The following NLGN1 variants were observed in gnomAD, a reference collection of about 807,000 sequenced individuals.
NLGN1 encodes the protein neuroligin-1.
Under a neutral mutation model 65.5 loss-of-function variants are expected in NLGN1, and 12 were observed. That is an observed-to-expected ratio of 0.18 (90% CI 0.12 to 0.30). The LOEUF (loss-of-function observed/expected upper bound fraction) is 0.30. NLGN1 is among the 10% of genes least tolerant of loss of function. The pLI is 1.00. For missense variants in NLGN1, 750 were observed against 1,007.1 expected (o/e 0.74, Z 3.46); for synonymous variants, 350 against 359.5 (o/e 0.97, Z 0.30).
chr3:174,066,591 T>TGC (rs1408147737), intron 4 of NLGN1, among the ~76,000 whole-genome samples: 1 of 150,940 alleles, frequency 6.6e-6, no homozygotes, highest in Non-Finnish European at 1.5e-5. Context: ...TGTGTGTGTG[T>TGC]ATCTCATAAT....
intron 3 of NLGN1, among the ~76,000 whole-genome samples, chr3:173,774,273 G>T (rs935194050): frequency 2.0e-5 from 3 of 152,154 alleles, no homozygotes; most frequent in African/African-American, 7.2e-5. Flanking sequence ...ACAGGTTCTT[G>T]GTAGTAGAGA....
intron 4 of NLGN1, among the ~76,000 whole-genome samples, chr3:173,822,728 A>G (rs978782340): frequency 2.6e-5 from 4 of 152,072 alleles, no homozygotes; most frequent in Non-Finnish European, 5.9e-5. Context: ...AATAAAAAAG[A>G]GCTTCTCTGT....
At chr3:173,662,426 A>G (rs1233482479) in intron 3 of NLGN1, among the ~76,000 whole-genome samples, 1 of 152,036 alleles carries the variant, frequency 6.6e-6, no homozygotes, top group African/African-American at 2.4e-5. Flanking sequence ...ATCAGTCATG[A>G]AATCTCAATA....
intron 4 of NLGN1, among the ~76,000 whole-genome samples, chr3:174,235,180 A>T (rs1394844859): frequency 1.3e-5 from 2 of 151,794 alleles, no homozygotes; most frequent in African/African-American, 2.4e-5. Flanking sequence ...TGTCTCTTCC[A>T]AATTTATTTA....
intron 4 of NLGN1, among the ~76,000 whole-genome samples, chr3:174,103,275 A>T (rs1712962918): frequency 1.3e-5 from 2 of 152,228 alleles, no homozygotes; most frequent in South Asian, 4.1e-4. Flanking sequence ...TTTCCTTCAA[A>T]AAATTTTGGA....
chr3:173,597,618 G>C (rs959648883), intron 2 of NLGN1, among the ~76,000 whole-genome samples: 2 of 151,716 alleles, frequency 1.3e-5, no homozygotes, highest in Non-Finnish European at 2.9e-5. Flanking sequence ...GGTGAAAAGT[G>C]TATGCATATA....
intron 2 of NLGN1, among the ~76,000 whole-genome samples, chr3:173,478,790 G>A (rs975470629): frequency 2.0e-5 from 3 of 151,904 alleles, no homozygotes; most frequent in African/African-American, 7.3e-5. Flanking sequence ...AGGGGCTGAG[G>A]CATGAGAATC....
chr3:173,447,446 C>A (rs1720581754), intron 2 of NLGN1, among the ~76,000 whole-genome samples: 1 of 152,172 alleles, frequency 6.6e-6, no homozygotes, highest in African/African-American at 2.4e-5. Context: ...GTACCAGTAC[C>A]AGGCTGTTTT....
chr3:173,978,664 A>C (rs758598864), intron 4 of NLGN1, among the ~76,000 whole-genome samples: 36 of 151,952 alleles, frequency 2.4e-4, no homozygotes, highest in Non-Finnish European at 3.8e-4. Context: ...AGCATTCAAG[A>C]AAGCAGTGGT....
chr3:173,913,928 C>G (rs965225789), intron 4 of NLGN1, among the ~76,000 whole-genome samples: 1 of 152,100 alleles, frequency 6.6e-6, no homozygotes, highest in Non-Finnish European at 1.5e-5. Flanking sequence ...GTTCCCTACC[C>G]AAGTCAAAAT....
At position 173,449,692 on chromosome 3, in the gene NLGN1, G is replaced by A. The variant is rs533941199; in HGVS notation, c.-321+14614G>A. 2.0e-5 allele frequency among the ~76,000 whole-genome samples: 3 copies of A among 152,218 alleles called. No homozygotes were observed. The East Asian group carries it at 5.8e-4, about 29-fold the overall frequency. On this transcript the variant is annotated intron_variant, in intron 2 of 6. Coordinates refer to ENST00000457714, the Ensembl canonical transcript of NLGN1. ...AAAGTCTCCCATTGTTATTGTGTGG[G>A]AGTCTAAGTTCTTTGCAGGTCACTA...
chr3:173,951,430 G>A (rs760746575), intron 4 of NLGN1, among the ~76,000 whole-genome samples: 3 of 150,718 alleles, frequency 2.0e-5, no homozygotes, highest in African/African-American at 4.9e-5. Flanking sequence ...CCTATTAGAT[G>A]TAACCTTTCT....
At chr3:174,231,161 TCA>T (rs571694022) in intron 4 of NLGN1, among the ~76,000 whole-genome samples, 213 of 152,312 alleles carry the variant, frequency 1.4e-3, no homozygotes, top group Admixed American at 3.3e-3. Flanking sequence ...CATAATTTTC[TCA>T]GTTATAATTT....
chr3:173,569,301 A>T (rs1053972806), intron 2 of NLGN1, among the ~76,000 whole-genome samples: 6 of 152,124 alleles, frequency 3.9e-5, no homozygotes, highest in Admixed American at 3.9e-4. Context: ...TTCAAAATCT[A>T]TTATAATACT....
rs548935530 is a variant in NLGN1, at chr3:173,437,527, C to G, written c.-321+2449C>G. Among the ~76,000 whole-genome samples, 4 of 152,282 alleles carry G rather than the reference C, an allele frequency of 2.6e-5. No individual in the cohort carries two copies. In the East Asian group the frequency reaches 7.7e-4, roughly 29 times the overall value. Reference sequence around the variant, plus strand: ...TGCTTTTGAACGTTGATGGATATGACATTGTGTCTAATCTCAGTTGTATTC... The same window carrying G: ...TGCTTTTGAACGTTGATGGATATGAGATTGTGTCTAATCTCAGTTGTATTC... On this transcript the variant is annotated intron_variant, in intron 2 of 6. Transcript: ENST00000457714.
intron 4 of NLGN1, among the ~76,000 whole-genome samples, chr3:173,809,481 T>C (rs1414299164): frequency 6.6e-6 from 1 of 152,208 alleles, no homozygotes; most frequent in Non-Finnish European, 1.5e-5. Flanking sequence ...GTGGCCAGTT[T>C]GCCAGATGAA....
intron 2 of NLGN1, among the ~76,000 whole-genome samples, chr3:173,464,267 G>A (rs1053291055): frequency 4.6e-5 from 7 of 152,072 alleles, no homozygotes; most frequent in African/African-American, 1.4e-4. Flanking sequence ...TTATAGATGT[G>A]GAAACTGATG....
At chr3:174,164,882 T>C (rs1285439279) in intron 4 of NLGN1, among the ~76,000 whole-genome samples, 1 of 152,088 alleles carries the variant, frequency 6.6e-6, no homozygotes, top group Admixed American at 6.6e-5. Flanking sequence ...GGCAGTTTGA[T>C]AGGAATAGTA....
At chr3:173,588,517 G>C (rs913420146) in intron 2 of NLGN1, among the ~76,000 whole-genome samples, 4 of 152,174 alleles carry the variant, frequency 2.6e-5, no homozygotes, top group African/African-American at 9.6e-5. Flanking sequence ...TCAACTCGAA[G>C]CTTAAGTGAA....
Sources: gnomAD v4.1 joint callset for allele counts (sites outside exome capture counted in the v4.1 genomes callset) on GRCh38, gnomAD v4.1.1 for gene constraint, MANE v1.5 for transcripts, NCBI Gene and HGNC (gene_info 2026-07-23, HGNC 2026-07-21) for gene names.